TBC1D1: variants seen among roughly 807,000 people sequenced by gnomAD.
TBC1D1 encodes TBC1 (tre-2/USP6, BUB2, cdc16) domain family, member 1.
Under a neutral mutation model 125.6 loss-of-function variants are expected in TBC1D1, and 89 were observed. The ratio of observed to expected loss-of-function variants is 0.71; its 90% CI spans 0.60 to 0.85. TBC1D1 has a LOEUF of 0.85. TBC1D1 is among the 40% of genes least tolerant of loss of function. TBC1D1 has a pLI of 0.00. For synonymous variants in TBC1D1, 565 were observed against 564.1 expected (o/e 1.00, Z -0.02); for missense variants, 1,377 against 1,469.2 (o/e 0.94, Z 1.03).
intron 2 of TBC1D1, among the ~76,000 whole-genome samples, chr4:37,962,467 G>A (rs547560194): frequency 1.3e-5 from 2 of 152,230 alleles, no homozygotes; most frequent in African/African-American, 2.4e-5. Flanking sequence ...TGGGCAAGCC[G>A]GTAACATCTA....
rs1436041732 is a variant in TBC1D1, at chr4:37,993,086, G to GAGCCACC, written c.418-21422_418-21416dup. Among the ~76,000 whole-genome samples, 3 of 152,264 alleles carry GAGCCACC rather than the reference G, an allele frequency of 2.0e-5. No homozygotes were observed. The East Asian group carries it at 5.8e-4, about 29-fold the overall frequency. On this transcript the variant is annotated intron_variant, in intron 2 of 19. Coordinates refer to ENST00000261439, the MANE Select transcript of TBC1D1 (RefSeq NM_015173.4). Reference sequence around the variant, plus strand: ...CCCAAAATGTTGGGATTACAGGCGTGAGCCACCGCGCCCGGCCTGGTGATT... The same window carrying GAGCCACC: ...CCCAAAATGTTGGGATTACAGGCGTGAGCCACCAGCCACCGCGCCCGGCCTGGTGATT...
intron 12 of TBC1D1, among the ~76,000 whole-genome samples, chr4:38,070,585 T>C (rs113227339): frequency 3.3e-5 from 5 of 152,300 alleles, no homozygotes; most frequent in African/African-American, 7.2e-5. Flanking sequence ...TTGGTTTCTT[T>C]TGTATAAAGG....
chr4:38,108,116 C>G (rs1761640640), intron 15 of TBC1D1, among the ~76,000 whole-genome samples: 1 of 152,200 alleles, frequency 6.6e-6, no homozygotes, highest in Admixed American at 6.5e-5. Context: ...TATTCTTTGA[C>G]TCTCTATCCT....
At chr4:37,938,196 C>T (rs1295462423) in intron 2 of TBC1D1, among the ~76,000 whole-genome samples, 1 of 151,344 alleles carries the variant, frequency 6.6e-6, no homozygotes, top group Non-Finnish European at 1.5e-5. Context: ...GCTGGGGCAG[C>T]ATAGTGAGAC....
intron 2 of TBC1D1, among the ~76,000 whole-genome samples, chr4:38,012,825 G>A (rs1048958251): frequency 1.6e-4 from 24 of 151,700 alleles, no homozygotes; most frequent in Non-Finnish European, 3.4e-4. Context: ...AGACAGTCTT[G>A]TGCTGTCACC....
intron 17 of TBC1D1, chr4:38,118,393 C>CG: frequency 1.7e-6 from 1 of 603,026 alleles, no homozygotes; most frequent in South Asian, 2.0e-5. Flanking sequence ...CGGGGCTTCC[C>CG]TAGATGCCTT....
At position 38,027,660 on chromosome 4, in the gene TBC1D1, T is replaced by A; in HGVS notation, c.1211-128T>A. On this transcript the variant is annotated intron_variant, in intron 6 of 19. Transcript: ENST00000261439. ...CAAAAAAAAAAATAAAATATTTTTT[T>A]ATTTCCTAAAACCTTGGAAGTCTGA... is the stretch of plus-strand genomic sequence containing the variant. 3 of 514,450 alleles carry A rather than the reference T, an allele frequency of 5.8e-6. No homozygotes were observed. The South Asian group carries it at 1.1e-4, about 18-fold the overall frequency. 31.9% of individuals were successfully genotyped at this position (514,450 alleles called of 1,614,324 possible).
At chr4:38,064,197 T>C (rs1387343263) in intron 12 of TBC1D1, among the ~76,000 whole-genome samples, 1 of 152,232 alleles carries the variant, frequency 6.6e-6, no homozygotes, top group Non-Finnish European at 1.5e-5. Context: ...TAATATTCCG[T>C]TGTATAGAGA....
intron 7 of TBC1D1, among the ~76,000 whole-genome samples, chr4:38,031,454 CTTTAAGT>C (rs988465477): frequency 6.6e-6 from 1 of 152,072 alleles, no homozygotes; most frequent in African/African-American, 2.4e-5. Context: ...AGACTGAAAA[CTTTAAGT>C]TTTAAGATGT....
chr4:38,097,844 T>C (rs1311745429), intron 14 of TBC1D1, among the ~76,000 whole-genome samples: 1 of 152,238 alleles, frequency 6.6e-6, no homozygotes, highest in Non-Finnish European at 1.5e-5. Context: ...TATAGTTTTT[T>C]AGGCATTTTT....
chr4:37,967,266 G>A (rs1381180728), intron 2 of TBC1D1, among the ~76,000 whole-genome samples: 8 of 152,194 alleles, frequency 5.3e-5, no homozygotes, highest in East Asian at 1.9e-4. Flanking sequence ...AGGGCGAGGC[G>A]GGTGGATCAC....
intron 18 of TBC1D1, among the ~76,000 whole-genome samples, chr4:38,127,316 G>A (rs1036149009): frequency 2.0e-5 from 3 of 151,954 alleles, no homozygotes; most frequent in Non-Finnish European, 4.4e-5. Flanking sequence ...ATAGCTGTGC[G>A]TGTACCTGGT....
At chr4:37,988,611 G>A (rs962931831) in intron 2 of TBC1D1, among the ~76,000 whole-genome samples, 1 of 152,166 alleles carries the variant, frequency 6.6e-6, no homozygotes, top group Non-Finnish European at 1.5e-5. Context: ...TAGTTGCTTA[G>A]CTGCATTCCC....
At chr4:37,895,675 G>A (rs1384831980) in intron 1 of TBC1D1, among the ~76,000 whole-genome samples, 1 of 152,192 alleles carries the variant, frequency 6.6e-6, no homozygotes, top group Non-Finnish European at 1.5e-5. Context: ...CTGCACTACA[G>A]CCTGGGTGAC....
intron 12 of TBC1D1, chr4:38,060,673 G>A (rs1752593525): frequency 7.8e-7 from 1 of 1,285,400 alleles, no homozygotes; most frequent in African/African-American, 1.5e-5. Context: ...AGCAGATAGA[G>A]GCAGTCTCAT....
chr4:38,122,979 T>G (rs1764095655), intron 17 of TBC1D1, among the ~76,000 whole-genome samples: 1 of 138,986 alleles, frequency 7.2e-6, no homozygotes, highest in Non-Finnish European at 1.6e-5. Flanking sequence ...CTTACTAAGT[T>G]GATTTATTGT....
At chr4:38,076,845 C>A (rs1560744618) in intron 12 of TBC1D1, among the ~76,000 whole-genome samples, 1 of 152,054 alleles carries the variant, frequency 6.6e-6, no homozygotes, top group African/African-American at 2.4e-5. Context: ...ATCTCCTGGG[C>A]CCGAGAGGGA....
At chr4:38,010,118 A>C (rs1741156975) in intron 2 of TBC1D1, among the ~76,000 whole-genome samples, 1 of 152,236 alleles carries the variant, frequency 6.6e-6, no homozygotes, top group African/African-American at 2.4e-5. Context: ...ATGTTCTTTT[A>C]GACTAAATAA....
At chr4:38,129,922 T>A (rs1765310921) in intron 18 of TBC1D1, among the ~76,000 whole-genome samples, 1 of 152,062 alleles carries the variant, frequency 6.6e-6, no homozygotes. Context: ...TGCACATTGA[T>A]TAGTGGCTGT....
Sources: gnomAD v4.1 joint callset for allele counts (sites outside exome capture counted in the v4.1 genomes callset) on GRCh38, gnomAD v4.1.1 for gene constraint, MANE v1.5 for transcripts, NCBI Gene and HGNC (gene_info 2026-07-23, HGNC 2026-07-21) for gene names.